Variants in PDE3B observed in about 807,000 individuals in gnomAD.
The protein encoded by PDE3B is cGMP-inhibited 3',5'-cyclic phosphodiesterase 3B.
Under a neutral mutation model 116.8 loss-of-function variants are expected in PDE3B, and 66 were observed. The ratio of observed to expected loss-of-function variants is 0.56; its 90% confidence interval spans 0.46 to 0.69. PDE3B has a LOEUF of 0.69. Among genes scored for constraint, PDE3B ranks in the 30% least tolerant of loss-of-function variants. The pLI is 0.00. For synonymous variants in PDE3B, 595 were observed against 533.6 expected (o/e 1.12, Z -1.59); for missense variants, 1,384 against 1,368.1 (o/e 1.01, Z -0.18).
chr11:14,658,646 C>T (rs961016898), intron 1 of PDE3B, among the ~76,000 whole-genome samples: 2 of 152,290 alleles, frequency 1.3e-5, no homozygotes, highest in South Asian at 2.1e-4. Context: ...TGAGCCACCG[C>T]GCCAGATGTC....
the PDE3B span, among the ~76,000 whole-genome samples, chr11:14,899,203 C>A: frequency 1.3e-5 from 2 of 152,096 alleles, no homozygotes; most frequent in African/African-American, 4.8e-5. Flanking sequence ...TTTTTATCAC[C>A]CTGCTTCTTT....
chr11:14,741,145 T>C lies in PDE3B; in HGVS notation c.979-30792T>C, dbSNP rs190286812. Among the ~76,000 whole-genome samples, 267 of 152,114 alleles carry C rather than the reference T, an allele frequency of 1.8e-3. 1 individual carries two copies. Among genetic ancestry groups the C allele is most frequent in the Non-Finnish European group, 1.3e-3 (88 of 67,974 alleles). On this transcript the variant is annotated intron_variant, in intron 1 of 15. Transcript: ENST00000282096. ...CTTGGTCCAGAGCTGAGTTCAAGTC[T>C]TGAATTTCCTTGTTGATTTTCTATC... is the stretch of plus-strand genomic sequence containing the variant.
At chr11:14,730,991 TA>T (rs1856441346) in intron 1 of PDE3B, among the ~76,000 whole-genome samples, 1 of 152,322 alleles carries the variant, frequency 6.6e-6, no homozygotes, top group African/African-American at 2.4e-5. Context: ...CCAGAAAAAT[TA>T]ACTTACTTTT....
chr11:14,721,596 A>G (rs1856085961), intron 1 of PDE3B, among the ~76,000 whole-genome samples: 2 of 150,610 alleles, frequency 1.3e-5, no homozygotes, highest in Non-Finnish European at 2.9e-5. Flanking sequence ...ATGCAGCCAT[A>G]AAAAAGGATG....
intron 1 of PDE3B, chr11:14,673,605 T>C: frequency 3.2e-6 from 2 of 625,048 alleles, no homozygotes; most frequent in Admixed American, 3.7e-5. Context: ...AGGACGGTTC[T>C]CAGGAGGAGC....
At chr11:14,865,778 AC>A (rs1201545061) in intron 14 of PDE3B, among the ~76,000 whole-genome samples, 2 of 152,170 alleles carry the variant, frequency 1.3e-5, no homozygotes, top group East Asian at 1.9e-4. Context: ...TCTCATGTTT[AC>A]AAAAGAGGAA....
chr11:14,664,173 A>G (rs1401844373), intron 1 of PDE3B, among the ~76,000 whole-genome samples: 1 of 152,260 alleles, frequency 6.6e-6, no homozygotes, highest in Non-Finnish European at 1.5e-5. Context: ...ACTACTGGGT[A>G]AATAATGAAA....
intron 2 of PDE3B, among the ~76,000 whole-genome samples, chr11:14,780,135 C>A (rs879141684): frequency 6.6e-6 from 1 of 152,180 alleles, no homozygotes; most frequent in East Asian, 1.9e-4. Flanking sequence ...TATATATGCA[C>A]CCAATATAGG....
Position 14,869,806 on chromosome 11 carries a change from C to T in PDE3B, c.*146C>T. 1.6e-6 allele frequency: 1 copy of T among 627,222 alleles called. No homozygotes were observed. The highest frequency in any genetic ancestry group is 2.2e-5 in the South Asian group (1 of 45,176). 38.9% of individuals were successfully genotyped at this position (627,222 alleles called of 1,614,324 possible). On this transcript the variant is annotated 3_prime_UTR_variant, in exon 16 of 16. Coordinates refer to ENST00000282096, the MANE Select transcript of PDE3B (RefSeq NM_000922.4). The stretch of plus-strand genomic sequence containing the variant: ...CCTTAATACTGTGAGAGGATCCTTG[C>T]TCTGCTGGCAGTTTCCCACTCCTAT...
At position 14,740,829 on chromosome 11, in the gene PDE3B, T is replaced by A. The variant is rs182481512; in HGVS notation, c.979-31108T>A. Among the ~76,000 whole-genome samples, 299 of 152,318 alleles carry A rather than the reference T, an allele frequency of 2.0e-3. 1 individual carries two copies. Among genetic ancestry groups the A allele is most frequent in the African/African-American group, 6.6e-3 (275 of 41,578 alleles). On this transcript the variant is annotated intron_variant, in intron 1 of 15. Coordinates refer to ENST00000282096, the MANE Select transcript of PDE3B (RefSeq NM_000922.4). ...TTGTTCTCATTGGTTTCAAAGAATT[T>A]ATTCATTTCTGCCTTAATTTCCTTA...
intron 4 of PDE3B, among the ~76,000 whole-genome samples, chr11:14,800,193 A>T (rs538148985): frequency 9.9e-5 from 15 of 152,256 alleles, no homozygotes; most frequent in Non-Finnish European, 2.1e-4. Context: ...TATGAAGCTT[A>T]GTTTGGCTGG....
intron 4 of PDE3B, among the ~76,000 whole-genome samples, chr11:14,798,286 TG>T (rs1369259453): frequency 2.6e-5 from 4 of 152,216 alleles, no homozygotes; most frequent in African/African-American, 9.6e-5. Flanking sequence ...GAAGCCTACT[TG>T]ATCGTGGTGG....
chr11:14,740,337 T>C (rs1222671282), intron 1 of PDE3B, among the ~76,000 whole-genome samples: 1 of 152,204 alleles, frequency 6.6e-6, no homozygotes, highest in African/African-American at 2.4e-5. Flanking sequence ...TGGGAGGGTG[T>C]ATGTGTCCGG....
Position 14,867,577 on chromosome 11 carries a change from A to C in PDE3B, c.2958A>C (p.Lys986Asn). Residue 986 changes from lysine to asparagine, a missense_variant, in exon 15 of 16, where the codon AAA becomes AAC. Physicochemically the swap from Lys to Asn is moderately conservative, Grantham distance 94. This residue lies in a region of PDE3B where 428 missense variants were observed against 561.4 expected (regional missense o/e 0.76). Coordinates refer to ENST00000282096, the MANE Select transcript of PDE3B (RefSeq NM_000922.4). ...FMDRSSPQLA[K>N]LQESFITHIV... The stretch of plus-strand genomic sequence containing the variant: ...ATCGTTCTTCTCCTCAACTAGCAAA[A>C]CTCCAAGAATCTTTTATCACCCACA... The C allele has an allele frequency of 6.2e-7, 1 of 1,613,838 alleles. No homozygotes were observed. The highest frequency in any genetic ancestry group is 8.5e-7 in the Non-Finnish European group (1 of 1,179,926).
At chr11:14,727,927 G>A (rs1428696595) in intron 1 of PDE3B, among the ~76,000 whole-genome samples, 1 of 152,012 alleles carries the variant, frequency 6.6e-6, no homozygotes, top group African/African-American at 2.4e-5. Context: ...TATACTCTTG[G>A]TTTTATGACA....
At position 14,722,353 on chromosome 11, in the gene PDE3B, G is replaced by A. The variant is rs560532821; in HGVS notation, c.979-49584G>A. On this transcript the variant is annotated intron_variant, in intron 1 of 15. Transcript: ENST00000282096. ...GGGAAAAATCTAGGAAAGTCTAGTC[G>A]AGGGTAGCAAAAAATCCATCTGTGT... Among the ~76,000 whole-genome samples, 5 of 151,696 alleles carry A rather than the reference G, an allele frequency of 3.3e-5. No homozygotes were observed. The South Asian group carries it at 1.0e-3, about 32-fold the overall frequency.
chr11:14,744,563 T>G (rs1856857532), intron 1 of PDE3B, among the ~76,000 whole-genome samples: 1 of 152,214 alleles, frequency 6.6e-6, no homozygotes, highest in Admixed American at 6.5e-5. Context: ...TAAATTCTGT[T>G]GTAAAGATGG....
intron 4 of PDE3B, among the ~76,000 whole-genome samples, chr11:14,790,267 G>T (rs1275956332): frequency 6.6e-6 from 1 of 151,200 alleles, no homozygotes; most frequent in Non-Finnish European, 1.5e-5. Flanking sequence ...ATTGAAGTAT[G>T]AAGAGTACTG....
chr11:14,697,683 A>G (rs916961173), intron 1 of PDE3B, among the ~76,000 whole-genome samples: 4 of 152,142 alleles, frequency 2.6e-5, no homozygotes, highest in African/African-American at 9.7e-5. Flanking sequence ...GATTGGCATC[A>G]TAGCAATATT....
Sources: gnomAD v4.1 joint callset for allele counts (sites outside exome capture counted in the v4.1 genomes callset) on GRCh38, gnomAD v4.1.1 for gene constraint, gnomAD v4.1.1 regional missense constraint, MANE v1.5 for transcripts, NCBI Gene and HGNC (gene_info 2026-07-23, HGNC 2026-07-21) for gene names.